FOXP1: variants seen among roughly 807,000 people sequenced by gnomAD.
FOXP1 encodes forkhead box protein P1.
Under a neutral mutation model 98.2 loss-of-function variants are expected in FOXP1, and 15 were observed. The observed-to-expected ratio is 0.15, with a 90% CI of 0.10 to 0.24. The LOEUF (loss-of-function observed/expected upper bound fraction) is 0.24, where lower values mean the gene tolerates loss of function less well. Among genes scored for constraint, FOXP1 ranks in the 10% least tolerant of loss-of-function variants. FOXP1 has a pLI of 1.00. For synonymous variants in FOXP1, 371 were observed against 314.5 expected (o/e 1.18, Z -1.90); for missense variants, 633 against 848.5 (o/e 0.75, Z 3.15).
chr3:71,357,830 G>A (rs2078267945), intron 4 of FOXP1, among the ~76,000 whole-genome samples: 1 of 152,126 alleles, frequency 6.6e-6, no homozygotes, highest in African/African-American at 2.4e-5. Context: ...CTTCCCAGAT[G>A]TTTTTACGAC....
At chr3:70,973,814 T>C (rs1452742911) in intron 17 of FOXP1, among the ~76,000 whole-genome samples, 1 of 148,118 alleles carries the variant, frequency 6.8e-6, no homozygotes, top group Non-Finnish European at 1.5e-5. Context: ...ACACTGCTAT[T>C]GCACAAGCGT....
chr3:71,342,301 AAG>A (rs1336009953), intron 4 of FOXP1, among the ~76,000 whole-genome samples: 1 of 152,224 alleles, frequency 6.6e-6, no homozygotes, highest in Non-Finnish European at 1.5e-5. Context: ...AAACCCTATA[AAG>A]ATAGTGGAAC....
chr3:71,381,317 A>G (rs1230075074), intron 3 of FOXP1, among the ~76,000 whole-genome samples: 2 of 150,820 alleles, frequency 1.3e-5, no homozygotes, highest in Middle Eastern at 3.5e-3. Context: ...CGCCCGGCTA[A>G]TTTTTTGCAT....
intron 2 of FOXP1, among the ~76,000 whole-genome samples, chr3:71,561,775 A>T (rs1223465341): frequency 1.3e-5 from 2 of 152,190 alleles, no homozygotes. Flanking sequence ...ATCATCATCG[A>T]GCACCAGTAT....
intron 3 of FOXP1, among the ~76,000 whole-genome samples, chr3:71,378,462 A>G (rs2079897519): frequency 6.6e-6 from 1 of 151,992 alleles, no homozygotes; most frequent in African/African-American, 2.4e-5. Flanking sequence ...GCGTGAGGAC[A>G]TTTCTCCCTG....
intron 3 of FOXP1, among the ~76,000 whole-genome samples, chr3:71,458,236 T>A (rs1438613761): frequency 6.6e-6 from 1 of 152,202 alleles, no homozygotes; most frequent in Non-Finnish European, 1.5e-5. Context: ...TATTTTCATG[T>A]GCTTATGTGA....
chr3:71,100,488 T>A (rs2056856386), intron 7 of FOXP1, among the ~76,000 whole-genome samples: 2 of 152,108 alleles, frequency 1.3e-5, no homozygotes, highest in Non-Finnish European at 2.9e-5. Flanking sequence ...AGAAGAAACC[T>A]TCTAGGGGGC....
rs910684969 is a variant in FOXP1 at position 70,979,306 on chromosome 3, A to G, written c.1147-1277T>C. Among the ~76,000 whole-genome samples, 26 of 147,072 alleles carry G rather than the reference A, an allele frequency of 1.8e-4. 1 individual carries two copies. Among genetic ancestry groups the G allele is most frequent in the South Asian group, 4.3e-4 (2 of 4,644 alleles). ...AAAAAAAAAAAAAAAAAAAAAAAAA[A>G]AAAAAAAAAAAAAAGAAAAAAATAA... On this transcript the variant is annotated intron_variant, in intron 14 of 20. Transcript: ENST00000649528.
intron 2 of FOXP1, among the ~76,000 whole-genome samples, chr3:71,549,440 T>TCTCGG (rs1205965055): frequency 6.6e-6 from 1 of 152,238 alleles, no homozygotes; most frequent in Non-Finnish European, 1.5e-5. Flanking sequence ...AGTGGCACAA[T>TCTCGG]CTCGGCTCAC....
At chr3:71,553,779 C>T (rs1325896408) in intron 2 of FOXP1, among the ~76,000 whole-genome samples, 1 of 152,178 alleles carries the variant, frequency 6.6e-6, no homozygotes. Context: ...AAGTCTCAAA[C>T]ATTTCTAAAA....
At chr3:71,121,381 G>GT (rs982238343) in intron 6 of FOXP1, among the ~76,000 whole-genome samples, 1 of 149,804 alleles carries the variant, frequency 6.7e-6, no homozygotes, top group African/African-American at 2.5e-5. Context: ...AAAAAAAAAG[G>GT]GGGGGGGGAT....
At chr3:71,196,711 C>A (rs2063323198) in intron 6 of FOXP1, among the ~76,000 whole-genome samples, 1 of 152,146 alleles carries the variant, frequency 6.6e-6, no homozygotes, top group African/African-American at 2.4e-5. Context: ...CACGGAGACC[C>A]TTTTACTATC....
intron 6 of FOXP1, among the ~76,000 whole-genome samples, chr3:71,158,187 G>A (rs933632932): frequency 1.4e-4 from 20 of 140,506 alleles, no homozygotes; most frequent in Admixed American, 5.7e-4. Flanking sequence ...GAGGGAAGGA[G>A]GGAGGGAAAG....
chr3:71,028,757 G>A (rs571427041), intron 11 of FOXP1, among the ~76,000 whole-genome samples: 10 of 152,286 alleles, frequency 6.6e-5, no homozygotes, highest in East Asian at 1.9e-4. Context: ...TCACCCTAAC[G>A]TAGAATCAGT....
At chr3:71,153,232 G>A (rs2060659646) in intron 6 of FOXP1, among the ~76,000 whole-genome samples, 1 of 152,170 alleles carries the variant, frequency 6.6e-6, no homozygotes, top group South Asian at 2.1e-4. Context: ...CCTCTCAGGA[G>A]CAGAGCTCAG....
chr3:71,014,484 G>A (rs976667870), intron 12 of FOXP1, among the ~76,000 whole-genome samples: 23 of 152,006 alleles, frequency 1.5e-4, no homozygotes, highest in Admixed American at 2.6e-4. Context: ...TTAAAAAGTC[G>A]GGAAACAACA....
At chr3:71,029,061 C>A (rs1235431588) in intron 11 of FOXP1, among the ~76,000 whole-genome samples, 1 of 152,206 alleles carries the variant, frequency 6.6e-6, no homozygotes, top group African/African-American at 2.4e-5. Context: ...TCCTAACAGA[C>A]CATAGACCAG....
intron 5 of FOXP1, among the ~76,000 whole-genome samples, chr3:71,200,026 G>C (rs1348797681): frequency 7.4e-6 from 1 of 135,650 alleles, no homozygotes; most frequent in Non-Finnish European, 1.5e-5. Flanking sequence ...AGGTTGCAGT[G>C]AGCTGAGATC....
chr3:71,132,192 G>A (rs1220803770), intron 6 of FOXP1, among the ~76,000 whole-genome samples: 3 of 152,196 alleles, frequency 2.0e-5, no homozygotes, highest in East Asian at 1.9e-4. Context: ...GAAAGTGGGC[G>A]GTCAGGAAAA....
Sources: allele counts gnomAD v4.1 joint callset (sites outside exome capture counted in the v4.1 genomes callset), GRCh38; gene constraint gnomAD v4.1.1; transcripts MANE v1.5; gene names NCBI Gene and HGNC (gene_info 2026-07-23, HGNC 2026-07-21).